Variants in PDE3A observed in about 807,000 individuals in gnomAD.
PDE3A encodes cGMP-inhibited 3',5'-cyclic phosphodiesterase 3A.
In PDE3A, 43 loss-of-function variants were observed where a neutral mutation model predicts 98.3. That is an observed-to-expected ratio of 0.44 (90% CI 0.34 to 0.56). The LOEUF (loss-of-function observed/expected upper bound fraction) is 0.56. Ranked by LOEUF, PDE3A falls within the 20% of genes least tolerant of loss-of-function variation. PDE3A has a pLI of 0.01. For synonymous variants in PDE3A, 663 were observed against 567.9 expected (o/e 1.17, Z -2.38); for missense variants, 1,427 against 1,440.7 (o/e 0.99, Z 0.15).
rs770268912 is a variant in PDE3A at position 20,369,853 on chromosome 12, C to T, written c.569C>T (p.Ala190Val). The change falls in exon 1 of 16, where the codon GCC (alanine) becomes GTC (valine). Residue 190 changes from alanine (A) to valine (V), a missense_variant. Physicochemically the swap from Ala to Val is moderately conservative, Grantham distance 64. Around this residue, in one of 3 missense-constraint regions of PDE3A, gnomAD observed 1,012 missense variants for 886.5 expected, o/e 1.14. Transcript: ENST00000359062. ...VGEDHLLSLP[A>V]AGVVLSCLAA... ...GAGGATCACTTACTCTCACTCCCCG[C>T]CGCGGGGGTGGTGCTCAGCTGCTTG... 6.2e-6 allele frequency: 10 copies of T among 1,612,220 alleles called. No homozygotes were observed. Among genetic ancestry groups the T allele is most frequent in the Non-Finnish European group, 6.8e-6 (8 of 1,179,400 alleles).
intron 2 of PDE3A, among the ~76,000 whole-genome samples, chr12:20,599,696 C>G (rs986520953): frequency 6.6e-6 from 1 of 152,048 alleles, no homozygotes; most frequent in Non-Finnish European, 1.5e-5. Context: ...CTGTGTTTAC[C>G]CTTCAGCATT....
intron 3 of PDE3A, among the ~76,000 whole-genome samples, chr12:20,614,786 G>C (rs1011576131): frequency 6.6e-6 from 1 of 152,100 alleles, no homozygotes; most frequent in Non-Finnish European, 1.5e-5. Context: ...TAATATCAGA[G>C]CTATTCTTAA....
intron 2 of PDE3A, among the ~76,000 whole-genome samples, chr12:20,574,836 A>G (rs1333442616): frequency 6.6e-6 from 1 of 152,050 alleles, no homozygotes; most frequent in East Asian, 1.9e-4. Context: ...AAACGGCAAG[A>G]TATCTCAATA....
chr12:20,405,035 G>A (rs1049826321), intron 1 of PDE3A, among the ~76,000 whole-genome samples: 7 of 151,944 alleles, frequency 4.6e-5, no homozygotes, highest in Non-Finnish European at 8.8e-5. Flanking sequence ...AATGAATATA[G>A]GATCAGTGTT....
At chr12:20,594,594 T>G (rs1174028826) in intron 2 of PDE3A, among the ~76,000 whole-genome samples, 1 of 151,808 alleles carries the variant, frequency 6.6e-6, no homozygotes. Flanking sequence ...AAAATGAGTA[T>G]GAAATGACGC....
At chr12:20,466,380 G>C (rs1293705749) in intron 1 of PDE3A, among the ~76,000 whole-genome samples, 1 of 152,182 alleles carries the variant, frequency 6.6e-6, no homozygotes, top group African/African-American at 2.4e-5. Flanking sequence ...CTTGCTGAAT[G>C]CAAAGCAACA....
chr12:20,650,058 C>T (rs1944880306), intron 13 of PDE3A, among the ~76,000 whole-genome samples: 1 of 152,072 alleles, frequency 6.6e-6, no homozygotes, highest in South Asian at 2.1e-4. Flanking sequence ...TTATGGGTTA[C>T]ATTAATAAAT....
intron 1 of PDE3A, among the ~76,000 whole-genome samples, chr12:20,386,130 T>A (rs867071924): frequency 7.8e-5 from 5 of 64,098 alleles, no homozygotes; most frequent in African/African-American, 3.2e-4. Flanking sequence ...TAAATATATA[T>A]AAATATATAT....
Position 20,646,751 on chromosome 12 carries a change from A to G in PDE3A, c.2366A>G (p.Asp789Gly). The G allele has an allele frequency of 6.3e-7, 1 of 1,596,538 alleles. No homozygotes were observed. The highest frequency in any genetic ancestry group is 8.6e-7 in the Non-Finnish European group (1 of 1,164,162). Reference sequence around the variant, plus strand: ...TTTGACTCTCATTTTCTCTTCTCAGATTCTGACAGTGGATTTACACATGGA... The same window carrying G: ...TTTGACTCTCATTTTCTCTTCTCAGGTTCTGACAGTGGATTTACACATGGA... The part of the protein sequence containing the change: ...INDHGSTSDS[D>G]SDSGFTHGHM... The change falls in exon 12 of 16, where the codon GAT (aspartate) becomes GGT (glycine). Residue 789 changes from aspartate (D) to glycine (G), a missense_variant and splice_region_variant. Asp to Gly is a moderately conservative substitution (Grantham distance 94, BLOSUM62 -1). Transcript: ENST00000359062.
At chr12:20,591,642 C>T (rs566283697) in intron 2 of PDE3A, among the ~76,000 whole-genome samples, 121 of 152,294 alleles carry the variant, frequency 7.9e-4, no homozygotes, top group Non-Finnish European at 1.4e-3. Context: ...ATTTTGAGCC[C>T]CGTAAGTCCA....
At chr12:20,477,881 ATTC>A (rs1438637197) in intron 1 of PDE3A, among the ~76,000 whole-genome samples, 2 of 152,112 alleles carry the variant, frequency 1.3e-5, no homozygotes, top group Non-Finnish European at 1.5e-5. Context: ...TCTTCTCATG[ATTC>A]TTCTGCTTCA....
chr12:20,572,292 G>T (rs1417551624), intron 2 of PDE3A: 1 of 258,092 alleles, frequency 3.9e-6, no homozygotes, highest in Admixed American at 5.9e-5. Context: ...TGATAAACTG[G>T]CTCAGTGTAT....
At chr12:20,644,726 G>A (rs1459486734) in intron 10 of PDE3A, among the ~76,000 whole-genome samples, 1 of 151,954 alleles carries the variant, frequency 6.6e-6, no homozygotes, top group Admixed American at 6.6e-5. Flanking sequence ...GCTCTTTCAA[G>A]TACCATATAA....
intron 15 of PDE3A, among the ~76,000 whole-genome samples, chr12:20,677,613 C>G (rs1438980819): frequency 6.6e-6 from 1 of 152,152 alleles, no homozygotes; most frequent in African/African-American, 2.4e-5. Flanking sequence ...GTGCCCGCCA[C>G]CATGCCTGGC....
At chr12:20,642,386 G>A (rs1944664951) in intron 10 of PDE3A, among the ~76,000 whole-genome samples, 1 of 152,102 alleles carries the variant, frequency 6.6e-6, no homozygotes. Flanking sequence ...ATATAAATGT[G>A]ATAAAAATGT....
At chr12:20,519,308 A>C (rs987131514) in intron 1 of PDE3A, among the ~76,000 whole-genome samples, 1 of 152,192 alleles carries the variant, frequency 6.6e-6, no homozygotes, top group Non-Finnish European at 1.5e-5. Context: ...AGTTGTGCAC[A>C]CAGAGTCTGT....
At chr12:20,453,786 G>A (rs1030320639) in intron 1 of PDE3A, among the ~76,000 whole-genome samples, 4 of 151,902 alleles carry the variant, frequency 2.6e-5, no homozygotes, top group African/African-American at 4.8e-5. Flanking sequence ...TCTCAGATTC[G>A]ATCTATCTGA....
intron 1 of PDE3A, among the ~76,000 whole-genome samples, chr12:20,498,048 A>G (rs1331736152): frequency 1.3e-5 from 2 of 152,160 alleles, no homozygotes; most frequent in South Asian, 2.1e-4. Flanking sequence ...TAGTAGTGTT[A>G]TACGGTAGGC....
intron 1 of PDE3A, among the ~76,000 whole-genome samples, chr12:20,382,739 G>T (rs1028721955): frequency 1.3e-5 from 2 of 151,874 alleles, no homozygotes; most frequent in African/African-American, 4.8e-5. Flanking sequence ...ATTTCTTAAC[G>T]TTGCAAAGGT....
Sources: allele counts gnomAD v4.1 joint callset (sites outside exome capture counted in the v4.1 genomes callset), GRCh38; gene constraint gnomAD v4.1.1; regional missense constraint gnomAD v4.1.1; transcripts MANE v1.5; gene names NCBI Gene and HGNC (gene_info 2026-07-23, HGNC 2026-07-21).